Variants in CLASP2 observed in about 807,000 individuals in gnomAD.
CLASP2 encodes cytoplasmic linker associated protein 2, also known as CLIP-associating protein 2.
A neutral mutation model predicts 194.4 loss-of-function variants in CLASP2; 47 were observed. The ratio of observed to expected loss-of-function variants is 0.24; its 90% CI spans 0.19 to 0.31. CLASP2 has a LOEUF of 0.31. Ranked by LOEUF, CLASP2 falls within the 10% of genes least tolerant of loss-of-function variation. The pLI is 1.00. For synonymous variants in CLASP2, 619 were observed against 633.5 expected (o/e 0.98, Z 0.34); for missense variants, 1,445 against 1,823.6 (o/e 0.79, Z 3.78).
At position 33,717,407 on chromosome 3, in the gene CLASP2, CCT is replaced by C. The variant is rs765217051; in HGVS notation, c.195+399_195+400del. ...CTGCCCAGTGGGGACGCGGGACCCC[CCT>C]GTTTCCCCTATTTTTATTTATTTTT... On this transcript the variant is annotated intron_variant, in intron 1 of 38. Coordinates refer to ENST00000682230, the MANE Select transcript of CLASP2 (RefSeq NM_001365631.1). 9.9e-4 allele frequency among the ~76,000 whole-genome samples: 151 copies of C among 152,136 alleles called. 1 individual carries two copies. Among genetic ancestry groups the C allele is most frequent in the Non-Finnish European group, 1.4e-3 (93 of 67,982 alleles).
chr3:33,536,151 T>C (rs1017204285), intron 33 of CLASP2, among the ~76,000 whole-genome samples: 1 of 151,768 alleles, frequency 6.6e-6, no homozygotes, highest in Non-Finnish European at 1.5e-5. Context: ...ACTATGCACA[T>C]ATTATATGCC....
At chr3:33,516,257 G>T in intron 35 of CLASP2, 106 bp from the exon 36 acceptor site, 1 of 1,009,700 alleles carries the variant, frequency 9.9e-7, no homozygotes, top group Non-Finnish European at 1.4e-6. Flanking sequence ...AGGAGTTGTA[G>T]ATAACTGCAT....
chr3:33,712,920 T>G (rs952166840), intron 1 of CLASP2, among the ~76,000 whole-genome samples: 1 of 147,548 alleles, frequency 6.8e-6, no homozygotes. Flanking sequence ...TGAGATCCAT[T>G]GCACTCCAGC....
At chr3:33,657,139 A>C (rs1302813335) in intron 7 of CLASP2, among the ~76,000 whole-genome samples, 1 of 152,176 alleles carries the variant, frequency 6.6e-6, no homozygotes, top group Non-Finnish European at 1.5e-5. Flanking sequence ...AATAAACAAA[A>C]AACATCAGGT....
At chr3:33,556,242 A>C (rs887198938) in intron 29 of CLASP2, among the ~76,000 whole-genome samples, 11 of 152,164 alleles carry the variant, frequency 7.2e-5, no homozygotes, top group African/African-American at 2.7e-4. Flanking sequence ...ATTTATCTGA[A>C]AGATCAATAA....
chr3:33,602,910 G>T, intron 18 of CLASP2, 42 bp downstream of exon 18: 2 of 1,556,610 alleles, frequency 1.3e-6, no homozygotes, highest in Non-Finnish European at 8.8e-7. Context: ...ACAGAGATCA[G>T]GGAGAGAACA....
At chr3:33,628,253 T>G in intron 9 of CLASP2, among the ~76,000 whole-genome samples, 1 of 152,108 alleles carries the variant, frequency 6.6e-6, no homozygotes, top group East Asian at 1.9e-4. Flanking sequence ...AACACTGTTA[T>G]GTGGTTAAAG....
At chr3:33,561,039 A>C in intron 27 of CLASP2, 68 bp from the exon 28 acceptor site, 1 of 1,344,578 alleles carries the variant, frequency 7.4e-7, no homozygotes, top group Non-Finnish European at 1.0e-6. Context: ...GTTCAATTCA[A>C]AGCGAATACA....
At chr3:33,546,512 T>A (rs2059173108) in intron 30 of CLASP2, among the ~76,000 whole-genome samples, 1 of 152,220 alleles carries the variant, frequency 6.6e-6, no homozygotes, top group African/African-American at 2.4e-5. Flanking sequence ...ACATACAGAT[T>A]TTAAAAAACC....
intron 1 of CLASP2, among the ~76,000 whole-genome samples, chr3:33,715,283 C>T (rs1488452775): frequency 1.3e-5 from 2 of 152,198 alleles, no homozygotes; most frequent in African/African-American, 4.8e-5. Context: ...AATGCAATGG[C>T]AGGGATCTCA....
chr3:33,584,902 G>A lies in CLASP2; in HGVS notation c.2087C>T (p.Ser696Phe). 6.2e-7 allele frequency: 1 copy of A among 1,611,534 alleles called. No homozygotes were observed. Among genetic ancestry groups the A allele is most frequent in the Non-Finnish European group, 8.5e-7 (1 of 1,179,104 alleles). Reference sequence around the variant, plus strand: ...TGTTGTGGTCAGAACTCTTCCTGGAGACCCAGACCGGCTACCAGCTGAACA... The same window carrying A: ...TGTTGTGGTCAGAACTCTTCCTGGAAACCCAGACCGGCTACCAGCTGAACA... ...SQSQPGSRSG[S>F]PGRVLTTTAL... The change falls in exon 22 of 39, where the codon TCT (serine) becomes TTT (phenylalanine). Residue 696 changes from serine (S) to phenylalanine (F), a missense_variant. Physicochemically the swap from Ser to Phe is radical, Grantham distance 155. Transcript: ENST00000682230.
chr3:33,543,505 G>C lies in CLASP2; in HGVS notation c.3332C>G (p.Pro1111Arg), dbSNP rs1414736606. 1 of 1,613,270 alleles carries C rather than the reference G, an allele frequency of 6.2e-7. No homozygotes were observed. The highest frequency in any genetic ancestry group is 1.1e-5 in the South Asian group (1 of 91,072). ...ACTGGACCAGTTAGCTGGTGATCGT[G>C]GTGTTGGTCTTGTCAAAGGACTCCC... ...SMGSPLTRPT[P>R]RSPANWSSPL... is the part of the protein sequence containing the mutation. The change falls in exon 32 of 39, where the codon CCA becomes CGA. Residue 1111 changes from proline (P) to arginine (R), a missense_variant. Transcript: ENST00000682230.
At chr3:33,684,714 T>C (rs1196438637) in intron 5 of CLASP2, among the ~76,000 whole-genome samples, 1 of 152,162 alleles carries the variant, frequency 6.6e-6, no homozygotes, top group African/African-American at 2.4e-5. Context: ...AAAAATCTAT[T>C]TGTGGCCAGG....
intron 6 of CLASP2, chr3:33,683,286 T>C (rs1362906011): frequency 2.6e-5 from 4 of 152,218 alleles, no homozygotes; most frequent in Non-Finnish European, 5.9e-5. Context: ...TTTTAAATGG[T>C]GATAACATAT....
chr3:33,704,091 G>T (rs777159917), intron 1 of CLASP2, among the ~76,000 whole-genome samples: 1 of 152,316 alleles, frequency 6.6e-6, no homozygotes, highest in South Asian at 2.1e-4. Context: ...GGGGAAGGAG[G>T]AAGTTTTAGG....
At chr3:33,513,198 G>T (rs1262349502) in intron 36 of CLASP2, among the ~76,000 whole-genome samples, 1 of 152,086 alleles carries the variant, frequency 6.6e-6, no homozygotes, top group Non-Finnish European at 1.5e-5. Context: ...AAATGCCATA[G>T]ATGTACCACT....
intron 25 of CLASP2, among the ~76,000 whole-genome samples, 166 bp downstream of exon 25, chr3:33,572,944 T>C (rs1268317562): frequency 3.3e-5 from 5 of 149,784 alleles, no homozygotes; most frequent in African/African-American, 1.2e-4. Flanking sequence ...AATGAAAGTA[T>C]AGATGGTCCT....
intron 2 of CLASP2, among the ~76,000 whole-genome samples, chr3:33,694,942 CA>C (rs1559661885): frequency 6.8e-6 from 1 of 147,136 alleles, no homozygotes; most frequent in Non-Finnish European, 1.5e-5. Context: ...GATCCCATCT[CA>C]AAAAAGAAAA....
intron 1 of CLASP2, among the ~76,000 whole-genome samples, chr3:33,706,368 A>C (rs1315249017): frequency 2.6e-5 from 4 of 152,236 alleles, no homozygotes; most frequent in Non-Finnish European, 5.9e-5. Flanking sequence ...TCTTTTAGCA[A>C]CAACTATTTT....
Sources: gnomAD v4.1 joint callset for allele counts (sites outside exome capture counted in the v4.1 genomes callset) on GRCh38, gnomAD v4.1.1 for gene constraint, MANE v1.5 for transcripts, NCBI Gene and HGNC (gene_info 2026-07-23, HGNC 2026-07-21) for gene names.